The following UNC5D variants were observed in gnomAD, a reference collection of about 807,000 sequenced individuals.
The protein encoded by UNC5D is unc-5 netrin receptor D.
UNC5D carries 39 observed loss-of-function variants against 105.4 expected under a neutral mutation model. The observed-to-expected ratio is 0.37, with a 90% CI of 0.29 to 0.48. UNC5D has a LOEUF of 0.48. UNC5D is among the 20% of genes least tolerant of loss of function. UNC5D has a pLI of 0.98. For missense variants in UNC5D, 991 were observed against 1,202.4 expected (o/e 0.82, Z 2.60); for synonymous variants, 452 against 450.4 (o/e 1.00, Z -0.04).
At position 35,613,215 on chromosome 8, in the gene UNC5D, C is replaced by T. The variant is rs148880680; in HGVS notation, c.570+17558C>T. On this transcript the variant is annotated intron_variant, in intron 4 of 16. Coordinates refer to ENST00000404895, the MANE Select transcript of UNC5D (RefSeq NM_080872.4). ...GCTTCAGCCTCCTGAGTAGTTAGGA[C>T]CACTACGCGCCATCATGCCCAGCTA... is the stretch of plus-strand genomic sequence containing the variant. Among the ~76,000 whole-genome samples the T allele has an allele frequency of 7.5e-3, 1,141 of 152,310 alleles. 25 individuals are homozygous for T. Among genetic ancestry groups the T allele is most frequent in the African/African-American group, 0.026 (1,080 of 41,564 alleles).
chr8:35,458,057 G>C (rs1319551525), intron 1 of UNC5D, among the ~76,000 whole-genome samples: 1 of 152,120 alleles, frequency 6.6e-6, no homozygotes, highest in Non-Finnish European at 1.5e-5. Context: ...AGTGGACTGA[G>C]AGTCTATCCT....
rs1020798681 is a variant in UNC5D at position 35,795,971 on chromosome 8, C to T, written c.*5408C>T. The T allele has an allele frequency of 6.6e-6, 1 of 152,096 alleles. No homozygotes were observed. The highest frequency in any genetic ancestry group is 1.5e-5 in the Non-Finnish European group (1 of 68,040). 9.4% of individuals were successfully genotyped at this position (152,096 alleles called of 1,614,324 possible). A position where few individuals can be genotyped will look rare whatever the true frequency, so the allele number is the denominator to read the frequency against. On this transcript the variant is annotated 3_prime_UTR_variant, in exon 17 of 17. Transcript: ENST00000404895. Reference sequence around the variant, plus strand: ...TCAAAAAATATGAGTACTTGCGTACCTCCATTTCTGCATGAAGATTTTAAA... The same window carrying T: ...TCAAAAAATATGAGTACTTGCGTACTTCCATTTCTGCATGAAGATTTTAAA...
At chr8:35,308,450 G>C (rs1006639896) in intron 1 of UNC5D, among the ~76,000 whole-genome samples, 1 of 151,980 alleles carries the variant, frequency 6.6e-6, no homozygotes, top group Non-Finnish European at 1.5e-5. Context: ...TTATTCATTT[G>C]GGCCCTATTA....
intron 2 of UNC5D, among the ~76,000 whole-genome samples, chr8:35,555,012 TC>T (rs1816436555): frequency 6.6e-6 from 1 of 152,190 alleles, no homozygotes. Context: ...AGAATGTTGC[TC>T]TGCTGGTAAT....
intron 16 of UNC5D, among the ~76,000 whole-genome samples, chr8:35,787,767 A>C (rs991085220): frequency 2.0e-5 from 3 of 152,042 alleles, no homozygotes; most frequent in African/African-American, 7.2e-5. Context: ...ACAGGTGTGC[A>C]CCACTGCACC....
chr8:35,416,362 G>T (rs1805535576), intron 1 of UNC5D, among the ~76,000 whole-genome samples: 1 of 152,058 alleles, frequency 6.6e-6, no homozygotes, highest in Admixed American at 6.6e-5. Flanking sequence ...GCAAAAGAAA[G>T]AAAAGTTCAC....
chr8:35,356,074 A>T (rs2128913848), intron 1 of UNC5D, among the ~76,000 whole-genome samples: 1 of 152,090 alleles, frequency 6.6e-6, no homozygotes, highest in African/African-American at 2.4e-5. Flanking sequence ...GTGTGCTACC[A>T]CGCCCGGTTA....
At chr8:35,581,265 C>A (rs1201175938) in intron 3 of UNC5D, among the ~76,000 whole-genome samples, 1 of 152,080 alleles carries the variant, frequency 6.6e-6, no homozygotes, top group East Asian at 1.9e-4. Context: ...TCCAGCCTCT[C>A]TTTCGGTGGA....
At chr8:35,513,760 G>A (rs866352079) in intron 1 of UNC5D, among the ~76,000 whole-genome samples, 4 of 152,178 alleles carry the variant, frequency 2.6e-5, no homozygotes, top group African/African-American at 7.2e-5. Flanking sequence ...AGTCTTGTAT[G>A]GAGAAAGCAC....
Position 35,793,273 on chromosome 8 carries a change from G to T in UNC5D, c.*2710G>T. ...GATTTACAGACCAAGGTGTGGTGGAGGAGGTAGAATTGCAGATCAGATAAA... is the reference window on the plus strand; with the variant it reads ...GATTTACAGACCAAGGTGTGGTGGATGAGGTAGAATTGCAGATCAGATAAA... On this transcript the variant is annotated 3_prime_UTR_variant, in exon 17 of 17. Transcript: ENST00000404895. 1 of 398,288 alleles carries T rather than the reference G, an allele frequency of 2.5e-6. No individual in the cohort carries two copies. The highest frequency in any genetic ancestry group is 5.0e-6 in the Non-Finnish European group (1 of 199,572). 24.7% of individuals were successfully genotyped at this position (398,288 alleles called of 1,614,324 possible). A position where few individuals can be genotyped will look rare whatever the true frequency, so the allele number is the denominator to read the frequency against.
intron 16 of UNC5D, among the ~76,000 whole-genome samples, chr8:35,781,304 G>A (rs1184006599): frequency 2.6e-5 from 4 of 152,188 alleles, no homozygotes. Context: ...TGGTTTGTAA[G>A]TGGCAGGTGC....
chr8:35,670,308 T>C (rs575458804), intron 4 of UNC5D, among the ~76,000 whole-genome samples: 2 of 152,158 alleles, frequency 1.3e-5, no homozygotes, highest in African/African-American at 2.4e-5. Flanking sequence ...ATTTGGTAAA[T>C]AATTCAACAT....
At chr8:35,604,334 T>C (rs1240766147) in intron 4 of UNC5D, among the ~76,000 whole-genome samples, 1 of 152,226 alleles carries the variant, frequency 6.6e-6, no homozygotes, top group African/African-American at 2.4e-5. Context: ...AAATTCTGGG[T>C]TGAAAATTCT....
intron 1 of UNC5D, among the ~76,000 whole-genome samples, chr8:35,282,907 C>A (rs1477892891): frequency 6.6e-6 from 1 of 151,964 alleles, no homozygotes; most frequent in Non-Finnish European, 1.5e-5. Flanking sequence ...AGGATTCTCT[C>A]TTTTTTTGGG....
intron 1 of UNC5D, among the ~76,000 whole-genome samples, chr8:35,456,943 A>G (rs950637569): frequency 6.6e-6 from 1 of 152,214 alleles, no homozygotes; most frequent in African/African-American, 2.4e-5. Flanking sequence ...GCTGTAATCT[A>G]TATGATGCAT....
intron 1 of UNC5D, among the ~76,000 whole-genome samples, chr8:35,299,343 C>G (rs1807745495): frequency 6.6e-6 from 1 of 152,128 alleles, no homozygotes; most frequent in Non-Finnish European, 1.5e-5. Context: ...AGTTGCTAAG[C>G]CTGGAAAGAG....
At chr8:35,564,449 T>C (rs1382187976) in intron 2 of UNC5D, among the ~76,000 whole-genome samples, 9 of 152,112 alleles carry the variant, frequency 5.9e-5, no homozygotes, top group African/African-American at 1.9e-4. Flanking sequence ...TCTCCCACCT[T>C]TTACTCTTTA....
At chr8:35,432,209 T>A (rs974560713) in intron 1 of UNC5D, among the ~76,000 whole-genome samples, 1 of 152,156 alleles carries the variant, frequency 6.6e-6, no homozygotes, top group East Asian at 1.9e-4. Context: ...ATCGTGAGGA[T>A]CAAACAACTT....
At chr8:35,591,009 T>C (rs1437093514) in intron 3 of UNC5D, among the ~76,000 whole-genome samples, 1 of 152,240 alleles carries the variant, frequency 6.6e-6, no homozygotes, top group Non-Finnish European at 1.5e-5. Context: ...GTATTTAAGT[T>C]TAAAACTTTT....
Sources: allele counts gnomAD v4.1 joint callset (sites outside exome capture counted in the v4.1 genomes callset), GRCh38; gene constraint gnomAD v4.1.1; transcripts MANE v1.5; gene names NCBI Gene and HGNC (gene_info 2026-07-23, HGNC 2026-07-21).